OPCML: variants seen among roughly 807,000 people sequenced by gnomAD.
OPCML encodes the protein opioid-binding protein/cell adhesion molecule.
A neutral mutation model predicts 37.8 loss-of-function variants in OPCML; 13 were observed. The ratio of observed to expected loss-of-function variants is 0.34; its 90% CI spans 0.22 to 0.55. The LOEUF (loss-of-function observed/expected upper bound fraction) is 0.55. Among genes scored for constraint, OPCML ranks in the 20% least tolerant of loss-of-function variants. OPCML has a pLI of 0.91. For missense variants in OPCML, 341 were observed against 435.6 expected, an observed-to-expected ratio of 0.78 and a Z score of 1.93; for synonymous variants, 176 against 168.8, an observed-to-expected ratio of 1.04 and a Z score of -0.33.
intron 2 of OPCML, among the ~76,000 whole-genome samples, chr11:132,692,189 G>T (rs1273473401): frequency 6.6e-6 from 1 of 151,556 alleles, no homozygotes; most frequent in African/African-American, 2.4e-5. Context: ...AGGAAGATCA[G>T]GTTTGCCTTT....
At chr11:132,852,512 T>C (rs185063514) in intron 2 of OPCML, among the ~76,000 whole-genome samples, 2 of 152,012 alleles carry the variant, frequency 1.3e-5, no homozygotes, top group Admixed American at 1.3e-4. Context: ...AAGGCAATAG[T>C]GGGTGGAACT....
chr11:133,387,516 GTTC>G (rs745912992), intron 1 of OPCML, among the ~76,000 whole-genome samples: 1 of 152,190 alleles, frequency 6.6e-6, no homozygotes, highest in Non-Finnish European at 1.5e-5. Context: ...TGCTACCAGA[GTTC>G]TTCTATGAGA....
chr11:133,149,353 C>G (rs1375124766), intron 1 of OPCML, among the ~76,000 whole-genome samples: 1 of 152,140 alleles, frequency 6.6e-6, no homozygotes, highest in South Asian at 2.1e-4. Context: ...AGTATATCAC[C>G]CATATATTTC....
intron 1 of OPCML, among the ~76,000 whole-genome samples, chr11:133,319,996 A>G (rs1943293354): frequency 6.6e-6 from 1 of 152,222 alleles, no homozygotes; most frequent in African/African-American, 2.4e-5. Context: ...TGCATTGTAG[A>G]AACTGGATCT....
intron 2 of OPCML, among the ~76,000 whole-genome samples, chr11:132,898,355 G>T (rs1943925081): frequency 3.3e-5 from 5 of 152,112 alleles, no homozygotes; most frequent in Admixed American, 3.3e-4. Flanking sequence ...ACCATCTGTG[G>T]ACTCACAAAA....
chr11:133,313,716 A>G (rs1254308457), intron 1 of OPCML, among the ~76,000 whole-genome samples: 3 of 152,104 alleles, frequency 2.0e-5, no homozygotes, highest in African/African-American at 7.2e-5. Flanking sequence ...AAGGAAATGG[A>G]TCTTCTCCTA....
At chr11:133,346,887 T>C (rs1010207602) in intron 1 of OPCML, among the ~76,000 whole-genome samples, 1 of 152,184 alleles carries the variant, frequency 6.6e-6, no homozygotes, top group Non-Finnish European at 1.5e-5. Flanking sequence ...TTTTGTTGTT[T>C]TGTTTTGATT....
At chr11:132,454,645 T>C (rs566702108) in intron 4 of OPCML, among the ~76,000 whole-genome samples, 2 of 152,302 alleles carry the variant, frequency 1.3e-5, no homozygotes, top group East Asian at 1.9e-4. Flanking sequence ...CCATGTTGAA[T>C]AGGGTTTGTG....
intron 1 of OPCML, among the ~76,000 whole-genome samples, chr11:133,418,722 AGAGTT>A (rs1945818915): frequency 1.3e-5 from 2 of 152,228 alleles, no homozygotes; most frequent in African/African-American, 4.8e-5. Flanking sequence ...CCACCAGTTT[AGAGTT>A]ATGAGAGGGG....
intron 4 of OPCML, among the ~76,000 whole-genome samples, chr11:132,480,593 G>T (rs975337884): frequency 3.3e-5 from 5 of 152,226 alleles, no homozygotes; most frequent in African/African-American, 1.2e-4. Context: ...TGAAATGGAG[G>T]AAAAAATGTT....
chr11:133,444,220 G>A (rs1025512410), intron 1 of OPCML, among the ~76,000 whole-genome samples: 4 of 152,140 alleles, frequency 2.6e-5, no homozygotes, highest in African/African-American at 7.2e-5. Flanking sequence ...GGAGGACGTA[G>A]AGAATGAACT....
chr11:133,378,015 G>A (rs537898286), intron 1 of OPCML, among the ~76,000 whole-genome samples: 2 of 152,184 alleles, frequency 1.3e-5, no homozygotes, highest in African/African-American at 4.8e-5. Flanking sequence ...AGCTGAAATC[G>A]GTCTTCCTGT....
chr11:132,431,945 GA>G (rs1371136057), intron 7 of OPCML, among the ~76,000 whole-genome samples: 1 of 152,138 alleles, frequency 6.6e-6, no homozygotes, highest in African/African-American at 2.4e-5. Flanking sequence ...TTCAGAAGTA[GA>G]TAGAAGAAAG....
chr11:132,674,527 T>C (rs758849249), intron 2 of OPCML, among the ~76,000 whole-genome samples: 3 of 152,186 alleles, frequency 2.0e-5, no homozygotes, highest in Non-Finnish European at 4.4e-5. Context: ...TCACCCAAAG[T>C]CTATGTGCAC....
rs2095951719 is a variant in OPCML at position 132,419,962 on chromosome 11, C to T, written c.*231G>A. The T allele has an allele frequency of 2.0e-6, 1 of 508,632 alleles. No homozygotes were observed. The highest frequency in any genetic ancestry group is 2.0e-5 in the African/African-American group (1 of 51,140). The allele number at this position is 508,632 out of a possible 1,614,324, so 31.5% of individuals were successfully genotyped here. On this transcript the variant is annotated 3_prime_UTR_variant, in exon 8 of 8. Transcript: ENST00000524381. ...GAGCAGACCCCATTTTTGGACACAC[C>T]AATGAATGATTATCCTACACGTGGT...
At chr11:132,810,206 T>C (rs1939261291) in intron 2 of OPCML, among the ~76,000 whole-genome samples, 1 of 152,118 alleles carries the variant, frequency 6.6e-6, no homozygotes, top group Non-Finnish European at 1.5e-5. Context: ...TAGGCAGCCA[T>C]ACCTGCCTGA....
intron 1 of OPCML, among the ~76,000 whole-genome samples, chr11:133,517,847 C>T (rs1385975034): frequency 1.3e-5 from 2 of 152,164 alleles, no homozygotes; most frequent in Non-Finnish European, 2.9e-5. Context: ...AGGGGGTACT[C>T]GTGACCACTG....
chr11:132,939,170 C>T (rs1471421910), intron 2 of OPCML, among the ~76,000 whole-genome samples: 1 of 152,118 alleles, frequency 6.6e-6, no homozygotes, highest in African/African-American at 2.4e-5. Flanking sequence ...AGTCTAATGG[C>T]TACTCAAAAT....
intron 2 of OPCML, among the ~76,000 whole-genome samples, chr11:132,937,725 C>G (rs1945439525): frequency 6.6e-6 from 1 of 151,858 alleles, no homozygotes; most frequent in Non-Finnish European, 1.5e-5. Context: ...CCTGCCAGAT[C>G]CGGCAGCCAT....
Sources: allele counts gnomAD v4.1 joint callset (sites outside exome capture counted in the v4.1 genomes callset), GRCh38; gene constraint gnomAD v4.1.1; transcripts MANE v1.5; gene names NCBI Gene and HGNC (gene_info 2026-07-23, HGNC 2026-07-21).